Variants in USP15 observed in about 807,000 individuals in gnomAD.
USP15 encodes the protein ubiquitin carboxyl-terminal hydrolase 15.
A neutral mutation model predicts 127.1 loss-of-function variants in USP15; 18 were observed. The ratio of observed to expected loss-of-function variants is 0.14; its 90% confidence interval spans 0.10 to 0.21. USP15 has a LOEUF of 0.21. Among genes scored for constraint, USP15 ranks in the 10% least tolerant of loss-of-function variants. USP15 has a pLI of 1.00. For synonymous variants in USP15, 364 were observed against 393.7 expected (o/e 0.92, Z 0.89); for missense variants, 805 against 1,159.9 (o/e 0.69, Z 4.44).
intron 1 of USP15, among the ~76,000 whole-genome samples, chr12:62,292,148 G>A (rs1242537432): frequency 3.9e-5 from 6 of 152,080 alleles, no homozygotes; most frequent in Admixed American, 2.6e-4. Context: ...GGGTGGGATG[G>A]GGGGGTGTGG....
At chr12:62,290,064 G>A (rs369745198) in intron 1 of USP15, among the ~76,000 whole-genome samples, 10 of 152,096 alleles carry the variant, frequency 6.6e-5, no homozygotes, top group African/African-American at 2.2e-4. Flanking sequence ...TTTCATGCAT[G>A]ATGAAAAAGA....
rs768980880 is a variant in USP15 at position 62,404,346 on chromosome 12, G to A, written c.2917G>A (p.Glu973Lys). Residue 973 changes from glutamate (E) to lysine (K), a missense_variant, in exon 22 of 22, where the codon GAA becomes AAA. Glu to Lys is a moderately conservative substitution (Grantham distance 56). Transcript: ENST00000280377. ...EDSNDNDNDI[E>K]NENCMHTN ...TAGCAATGATAATGACAATGATATAGAAAATGAAAACTGTATGCACACTAA... is the reference window on the plus strand; with the variant it reads ...TAGCAATGATAATGACAATGATATAAAAAATGAAAACTGTATGCACACTAA... The A allele has an allele frequency of 4.0e-5, 64 of 1,610,582 alleles. No homozygotes were observed. Among genetic ancestry groups the A allele is most frequent in the Non-Finnish European group, 5.4e-5 (64 of 1,178,192 alleles).
At chr12:62,339,866 C>T (rs1194138201) in intron 6 of USP15, among the ~76,000 whole-genome samples, 2 of 152,076 alleles carry the variant, frequency 1.3e-5, no homozygotes, top group East Asian at 3.8e-4. Flanking sequence ...TGTGTCTCTG[C>T]CAGCTTTTGG....
chr12:62,289,031 G>C lies in USP15; in HGVS notation c.90-5148G>C, dbSNP rs187901527. 5.9e-5 allele frequency among the ~76,000 whole-genome samples: 9 copies of C among 152,258 alleles called. 1 individual carries two copies. Among genetic ancestry groups the C allele is most frequent in the African/African-American group, 2.4e-5 (1 of 41,574 alleles). ...AATTTTGCATCTATATTCATCAGGA[G>C]ATATTGATCTGTAGTTTTCTTTATT... On this transcript the variant is annotated intron_variant, in intron 1 of 21. Coordinates refer to ENST00000280377, the MANE Select transcript of USP15 (RefSeq NM_001252078.2).
chr12:62,349,101 T>C, intron 6 of USP15, 120 bp from the exon 7 acceptor site: 2 of 538,586 alleles, frequency 3.7e-6, no homozygotes, highest in Non-Finnish European at 5.9e-6. Flanking sequence ...GTGATTTTGC[T>C]CATAAATCTA....
intron 3 of USP15, among the ~76,000 whole-genome samples, chr12:62,304,128 G>T (rs778092997): frequency 1.3e-5 from 2 of 151,908 alleles, no homozygotes; most frequent in African/African-American, 2.4e-5. Context: ...TACACTAGCG[G>T]TCTTCAGTAT....
Position 62,415,514 on chromosome 12 carries a change from C to A in USP15, c.*11139C>A, listed in dbSNP as rs540335923. On this transcript the variant is annotated 3_prime_UTR_variant, in exon 22 of 22. Coordinates refer to ENST00000280377, the MANE Select transcript of USP15 (RefSeq NM_001252078.2). ...TCATGTAGAAAAGAGTGGTTTGGAC[C>A]ATAGGCTCAGGAGTTAAACCACCTC... 2.0e-5 allele frequency: 3 copies of A among 152,170 alleles called. No homozygotes were observed. The highest frequency in any genetic ancestry group is 4.4e-5 in the Non-Finnish European group (3 of 68,036). 9.4% of individuals were successfully genotyped at this position (152,170 alleles called of 1,614,324 possible).
intron 8 of USP15, among the ~76,000 whole-genome samples, chr12:62,380,895 G>C (rs1009029112): frequency 2.0e-5 from 3 of 151,514 alleles, no homozygotes; most frequent in African/African-American, 7.3e-5. Context: ...AAATTGTATC[G>C]TTTATGAAAT....
intron 2 of USP15, among the ~76,000 whole-genome samples, chr12:62,296,916 A>AG (rs2064148667): frequency 1.3e-5 from 2 of 152,186 alleles, no homozygotes; most frequent in Non-Finnish European, 2.9e-5. Flanking sequence ...CTAAAAAAAA[A>AG]TTTTGATCAC....
chr12:62,313,073 TTATAAA>T lies in USP15; in HGVS notation c.349-1712_349-1707del, dbSNP rs574327893. Among the ~76,000 whole-genome samples the T allele has an allele frequency of 3.0e-3, 451 of 151,718 alleles. 6 individuals are homozygous for T. Among genetic ancestry groups the T allele is most frequent in the African/African-American group, 0.01 (435 of 41,536 alleles). ...TTTGGGAATTAGTAAAATAAATATC[TTATAAA>T]TATAGTAGCAGTTTTCTGAGTAGTG... On this transcript the variant is annotated intron_variant, in intron 3 of 21. Transcript: ENST00000280377.
chr12:62,356,786 G>T (rs1413575613), intron 8 of USP15, among the ~76,000 whole-genome samples: 5 of 151,920 alleles, frequency 3.3e-5, no homozygotes, highest in Non-Finnish European at 4.4e-5. Flanking sequence ...TCTAGATGAG[G>T]AAGAAAGCCA....
At chr12:62,343,375 A>G (rs2065706102) in intron 6 of USP15, among the ~76,000 whole-genome samples, 1 of 152,144 alleles carries the variant, frequency 6.6e-6, no homozygotes, top group South Asian at 2.1e-4. Context: ...GCTGAGCGAG[A>G]CCACTTGGCT....
At chr12:62,392,970 T>C in intron 18 of USP15, 83 bp from the exon 19 acceptor site, 6 of 1,499,622 alleles carry the variant, frequency 4.0e-6, no homozygotes, top group Non-Finnish European at 5.4e-6. Flanking sequence ...TGTAGAACTT[T>C]CCAAACATTT....
rs747919514 is a variant in USP15, at chr12:62,383,902, G to A, written c.1152G>A (p.Leu384=). ...SGYQQQDCQE[L]LAFLLDGLHE... is the part of the protein sequence containing the mutation. ...ATCAGCAGCAAGACTGTCAAGAACTGTTAGCTTTCCTATTAGATGGATTAC... is the reference window on the plus strand; with the variant it reads ...ATCAGCAGCAAGACTGTCAAGAACTATTAGCTTTCCTATTAGATGGATTAC... Residue 384 remains leucine (L), a synonymous_variant, in exon 10 of 22, where the codon CTG becomes CTA. Transcript: ENST00000280377. The A allele has an allele frequency of 6.2e-7, 1 of 1,612,940 alleles. No individual in the cohort carries two copies. Among genetic ancestry groups the A allele is most frequent in the South Asian group, 1.1e-5 (1 of 91,026 alleles).
intron 8 of USP15, among the ~76,000 whole-genome samples, chr12:62,369,054 T>G (rs1275338707): frequency 2.6e-5 from 4 of 152,186 alleles, no homozygotes; most frequent in African/African-American, 9.7e-5. Context: ...ATACCCAGTT[T>G]TAAAAGACAG....
chr12:62,374,278 A>AT lies in USP15; in HGVS notation c.916-7205dup, dbSNP rs994654163. Reference sequence around the variant, plus strand: ...TACTGGTCAGTTAGAAGGTATAGCCATTTTTTTAAGGGTTGTGAGTGGTAT... The same window carrying AT: ...TACTGGTCAGTTAGAAGGTATAGCCATTTTTTTTAAGGGTTGTGAGTGGTAT... On this transcript the variant is annotated intron_variant, in intron 8 of 21. Transcript: ENST00000280377. 10 of 659,112 alleles carry AT rather than the reference A, an allele frequency of 1.5e-5. No individual in the cohort carries two copies. The East Asian group carries it at 1.4e-3, about 90-fold the overall frequency. 40.8% of individuals were successfully genotyped at this position (659,112 alleles called of 1,614,324 possible). A position where few individuals can be genotyped will look rare whatever the true frequency, so the allele number is the denominator to read the frequency against.
rs117827283 is a variant in USP15 at position 62,350,771 on chromosome 12, C to T, written c.770+1464C>T. On this transcript the variant is annotated intron_variant, in intron 7 of 21. Transcript: ENST00000280377. ...TCTTGAGTACTTGGATTACAGCACACGCCACTACACCCTGCTAATTTTCTT... is the reference window on the plus strand; with the variant it reads ...TCTTGAGTACTTGGATTACAGCACATGCCACTACACCCTGCTAATTTTCTT... Among the ~76,000 whole-genome samples the T allele has an allele frequency of 4.6e-5, 7 of 152,104 alleles. No homozygotes were observed. In the East Asian group the frequency reaches 9.7e-4, roughly 21 times the overall value.
intron 8 of USP15, among the ~76,000 whole-genome samples, chr12:62,371,674 C>G (rs2066674085): frequency 6.6e-6 from 1 of 152,034 alleles, no homozygotes; most frequent in Non-Finnish European, 1.5e-5. Flanking sequence ...AAAATTAGTC[C>G]TTTCCATGTA....
chr12:62,347,645 A>G (rs2065859243), intron 6 of USP15, among the ~76,000 whole-genome samples: 1 of 152,024 alleles, frequency 6.6e-6, no homozygotes, highest in Admixed American at 6.6e-5. Flanking sequence ...TAAAACTACT[A>G]TCTGGGAATA....
Sources: gnomAD v4.1 joint callset for allele counts (sites outside exome capture counted in the v4.1 genomes callset) on GRCh38, gnomAD v4.1.1 for gene constraint, MANE v1.5 for transcripts, NCBI Gene and HGNC (gene_info 2026-07-23, HGNC 2026-07-21) for gene names.